The following CACNA2D3 variants were observed in gnomAD, a reference collection of about 807,000 sequenced individuals.
CACNA2D3 encodes calcium voltage-gated channel auxiliary subunit alpha2delta 3.
In CACNA2D3, 60 loss-of-function variants were observed where a neutral mutation model predicts 160.6. The observed-to-expected ratio is 0.37, with a 90% CI of 0.30 to 0.46. The LOEUF (loss-of-function observed/expected upper bound fraction) is 0.46. Ranked by LOEUF, CACNA2D3 falls within the 20% of genes least tolerant of loss-of-function variation. The probability of loss-of-function intolerance (pLI) is 1.00; values close to 1 mark genes in which losing one functional copy is unlikely to be tolerated. For missense variants in CACNA2D3, 1,205 were observed against 1,365.0 expected (o/e 0.88, Z 1.85); for synonymous variants, 558 against 492.9 (o/e 1.13, Z -1.75).
At chr3:54,815,877 T>C (rs1703436662) in intron 13 of CACNA2D3, among the ~76,000 whole-genome samples, 1 of 152,234 alleles carries the variant, frequency 6.6e-6, no homozygotes, top group Non-Finnish European at 1.5e-5. Context: ...CGTAATGATG[T>C]AATTCTTAGA....
intron 2 of CACNA2D3, among the ~76,000 whole-genome samples, chr3:54,225,579 T>G (rs963556747): frequency 1.3e-5 from 2 of 152,226 alleles, no homozygotes; most frequent in Non-Finnish European, 2.9e-5. Context: ...TGTATCTGAT[T>G]TACTGTTAAA....
At chr3:54,203,958 C>T (rs553430574) in intron 2 of CACNA2D3, among the ~76,000 whole-genome samples, 5 of 152,058 alleles carry the variant, frequency 3.3e-5, no homozygotes, top group African/African-American at 1.2e-4. Context: ...ACCTAGGTCC[C>T]TGGGAGTGGG....
chr3:54,515,360 G>C (rs1026044150), intron 5 of CACNA2D3, among the ~76,000 whole-genome samples: 4 of 151,442 alleles, frequency 2.6e-5, no homozygotes, highest in African/African-American at 4.9e-5. Flanking sequence ...TGCTTTTTTA[G>C]TAATTAAAAA....
chr3:54,306,973 C>G (rs577576743), intron 2 of CACNA2D3, among the ~76,000 whole-genome samples: 3 of 152,104 alleles, frequency 2.0e-5, no homozygotes, highest in Admixed American at 1.3e-4. Flanking sequence ...GCATGCCCCC[C>G]GCCCTGCCGA....
At chr3:54,870,270 A>C (rs1420615015) in intron 17 of CACNA2D3, among the ~76,000 whole-genome samples, 3 of 152,166 alleles carry the variant, frequency 2.0e-5, no homozygotes, top group Admixed American at 6.5e-5. Context: ...CTTCATGCCC[A>C]GTATGGCCTC....
intron 2 of CACNA2D3, among the ~76,000 whole-genome samples, chr3:54,285,121 C>A (rs1226611498): frequency 6.6e-6 from 1 of 152,172 alleles, no homozygotes; most frequent in East Asian, 1.9e-4. Context: ...CGAGCCGAAG[C>A]AGGACGAGGC....
intron 2 of CACNA2D3, among the ~76,000 whole-genome samples, chr3:54,134,922 C>G (rs999648764): frequency 6.6e-6 from 1 of 152,224 alleles, no homozygotes; most frequent in Non-Finnish European, 1.5e-5. Flanking sequence ...GGCGGGTGCA[C>G]GAGGAGCACC....
intron 11 of CACNA2D3, among the ~76,000 whole-genome samples, chr3:54,705,702 G>GTT (rs886751069): frequency 2.0e-5 from 3 of 152,170 alleles, no homozygotes; most frequent in African/African-American, 7.2e-5. Flanking sequence ...AATTAACCCT[G>GTT]TTTGATATCT....
At chr3:54,577,884 G>C (rs1307886012) in intron 8 of CACNA2D3, among the ~76,000 whole-genome samples, 2 of 152,190 alleles carry the variant, frequency 1.3e-5, no homozygotes, top group Non-Finnish European at 1.5e-5. Context: ...GTGAGAATCA[G>C]AAAAGGAAAG....
intron 11 of CACNA2D3, among the ~76,000 whole-genome samples, chr3:54,737,720 A>C (rs1701561997): frequency 1.3e-5 from 2 of 152,182 alleles, no homozygotes; most frequent in African/African-American, 4.8e-5. Flanking sequence ...GGTGGAGTGC[A>C]GTGGCGAAAT....
chr3:54,230,864 A>G (rs766847397), intron 2 of CACNA2D3, among the ~76,000 whole-genome samples: 1 of 152,358 alleles, frequency 6.6e-6, no homozygotes, highest in African/African-American at 2.4e-5. Context: ...TTGCTGCTTA[A>G]TAGGACAAAA....
intron 14 of CACNA2D3, among the ~76,000 whole-genome samples, chr3:54,821,176 A>T (rs555557712): frequency 1.3e-5 from 2 of 152,242 alleles, no homozygotes; most frequent in Non-Finnish European, 2.9e-5. Flanking sequence ...ACACCGTATT[A>T]GTTAATATCA....
chr3:54,733,225 C>G (rs1051156114), intron 11 of CACNA2D3, among the ~76,000 whole-genome samples: 3 of 152,228 alleles, frequency 2.0e-5, no homozygotes, highest in African/African-American at 7.2e-5. Context: ...AAACAGGCAC[C>G]TCAGCAGCTG....
chr3:54,413,403 T>G (rs537421283), intron 4 of CACNA2D3, among the ~76,000 whole-genome samples: 133 of 147,302 alleles, frequency 9.0e-4, no homozygotes, highest in South Asian at 3.8e-3. Context: ...TATATCTATA[T>G]ATATCTATAT....
chr3:54,879,237 C>T (rs2694107), intron 19 of CACNA2D3, 113 bp from the exon 20 acceptor site: 1 of 881,966 alleles, frequency 1.1e-6, no homozygotes, highest in Non-Finnish European at 1.8e-6. Flanking sequence ...TCATGTAGTA[C>T]TGTTAACCTG....
intron 2 of CACNA2D3, among the ~76,000 whole-genome samples, chr3:54,133,178 G>C (rs1699749935): frequency 6.6e-6 from 1 of 152,094 alleles, no homozygotes; most frequent in Non-Finnish European, 1.5e-5. Context: ...TAATAATAAT[G>C]ATGCAGGCGT....
chr3:54,352,767 A>G (rs955476476), intron 3 of CACNA2D3, among the ~76,000 whole-genome samples: 2 of 152,268 alleles, frequency 1.3e-5, no homozygotes, highest in Non-Finnish European at 2.9e-5. Flanking sequence ...AATGTTAGCA[A>G]CAATTAACTT....
chr3:54,162,972 G>A (rs913855043), intron 2 of CACNA2D3, among the ~76,000 whole-genome samples: 8 of 152,192 alleles, frequency 5.3e-5, no homozygotes, highest in East Asian at 3.9e-4. Flanking sequence ...AGTTAGAGAA[G>A]CCTCACTGAT....
chr3:54,668,223 A>G (rs1188574189), intron 11 of CACNA2D3, among the ~76,000 whole-genome samples: 1 of 152,234 alleles, frequency 6.6e-6, no homozygotes, highest in African/African-American at 2.4e-5. Context: ...AATTGGGTTA[A>G]TCAGACATAC....
Sources: allele counts gnomAD v4.1 joint callset (sites outside exome capture counted in the v4.1 genomes callset), GRCh38; gene constraint gnomAD v4.1.1; transcripts MANE v1.5; gene names NCBI Gene and HGNC (gene_info 2026-07-23, HGNC 2026-07-21).